Variants in IQSEC1 observed in about 807,000 individuals in gnomAD.
IQSEC1 encodes IQ motif and SEC7 domain-containing protein 1.
Under a neutral mutation model 91.0 loss-of-function variants are expected in IQSEC1, and 31 were observed. That is an observed-to-expected ratio of 0.34 (90% CI 0.26 to 0.46). The LOEUF (loss-of-function observed/expected upper bound fraction) is 0.46, where lower values mean the gene tolerates loss of function less well. Ranked by LOEUF, IQSEC1 falls within the 20% of genes least tolerant of loss-of-function variation. IQSEC1 has a pLI of 1.00. For missense variants in IQSEC1, 1,388 were observed against 1,575.6 expected, an observed-to-expected ratio of 0.88 and a Z score of 2.02; for synonymous variants, 699 against 662.6, an observed-to-expected ratio of 1.05 and a Z score of -0.84.
At chr3:13,030,049 C>T (rs12487419) in intron 1 of IQSEC1, among the ~76,000 whole-genome samples, 9,068 of 152,270 alleles carry the variant, frequency 0.06, 341 homozygotes, top group Middle Eastern at 0.15. Flanking sequence ...AGTAATCTTC[C>T]CATCTCAGCT....
At chr3:13,071,864 C>G (rs1345380583) in intron 1 of IQSEC1, among the ~76,000 whole-genome samples, 1 of 151,940 alleles carries the variant, frequency 6.6e-6, no homozygotes, top group African/African-American at 2.4e-5. Flanking sequence ...ACCGCCATCC[C>G]CCGAACCAGA....
intron 1 of IQSEC1, among the ~76,000 whole-genome samples, chr3:13,252,790 T>C (rs1695219183): frequency 6.6e-6 from 1 of 152,002 alleles, no homozygotes. Flanking sequence ...TGGAGTAGAG[T>C]GGCACAATCT....
chr3:13,252,967 C>T (rs371514436), intron 1 of IQSEC1, among the ~76,000 whole-genome samples: 28 of 152,148 alleles, frequency 1.8e-4, no homozygotes. Flanking sequence ...CTCCTGACCT[C>T]GTGATCCGCC....
intron 1 of IQSEC1, among the ~76,000 whole-genome samples, chr3:13,170,062 C>A (rs972984338): frequency 1.3e-5 from 2 of 152,354 alleles, no homozygotes; most frequent in Middle Eastern, 3.4e-3. Flanking sequence ...CCATCACAAG[C>A]CCAGAGGCCT....
At chr3:13,108,242 T>A (rs1706185891) in intron 2 of IQSEC1, among the ~76,000 whole-genome samples, 1 of 152,224 alleles carries the variant, frequency 6.6e-6, no homozygotes, top group Non-Finnish European at 1.5e-5. Context: ...AACAACGCCC[T>A]TATACCCACA....
At chr3:13,144,487 C>T (rs1201518948) in intron 2 of IQSEC1, among the ~76,000 whole-genome samples, 1 of 152,236 alleles carries the variant, frequency 6.6e-6, no homozygotes, top group Non-Finnish European at 1.5e-5. Context: ...CTTTCCCTCC[C>T]TCGGCATGGC....
chr3:12,945,160 G>A (rs887261209), intron 1 of IQSEC1, among the ~76,000 whole-genome samples: 3 of 152,182 alleles, frequency 2.0e-5, no homozygotes, highest in Non-Finnish European at 2.9e-5. Context: ...AGTGCCTGGC[G>A]CTGGTAGTTC....
chr3:12,973,146 C>G (rs1299258593), intron 1 of IQSEC1, among the ~76,000 whole-genome samples: 1 of 152,144 alleles, frequency 6.6e-6, no homozygotes, highest in African/African-American at 2.4e-5. Flanking sequence ...GCTTCTGGCC[C>G]GGGTTTCCTA....
At chr3:13,034,199 G>A (rs541061156) in intron 1 of IQSEC1, among the ~76,000 whole-genome samples, 6 of 152,296 alleles carry the variant, frequency 3.9e-5, no homozygotes, top group Admixed American at 1.3e-4. Context: ...AGGCCCAGGC[G>A]TCTCCCCCCA....
At chr3:13,014,525 C>A (rs1425575850) in intron 1 of IQSEC1, among the ~76,000 whole-genome samples, 2 of 152,152 alleles carry the variant, frequency 1.3e-5, no homozygotes, top group Non-Finnish European at 2.9e-5. Context: ...TATCACTGGG[C>A]CTCACTTTTT....
intron 2 of IQSEC1, among the ~76,000 whole-genome samples, chr3:13,125,838 T>C (rs750646232): frequency 5.9e-5 from 9 of 152,196 alleles, no homozygotes; most frequent in Non-Finnish European, 1.2e-4. Flanking sequence ...CTGAGGGCCA[T>C]GGGCTGCCCG....
chr3:13,094,594 T>C (rs903894461), intron 2 of IQSEC1, among the ~76,000 whole-genome samples: 4 of 152,206 alleles, frequency 2.6e-5, no homozygotes, highest in Non-Finnish European at 4.4e-5. Context: ...CACTAAGTAC[T>C]GTTCGTGGAT....
chr3:13,130,119 G>A (rs1288766041), intron 2 of IQSEC1, among the ~76,000 whole-genome samples: 2 of 151,248 alleles, frequency 1.3e-5, no homozygotes, highest in East Asian at 3.9e-4. Flanking sequence ...GCCGAGGCGG[G>A]AGGATTATGA....
At chr3:13,247,413 C>T (rs1695126235) in intron 1 of IQSEC1, among the ~76,000 whole-genome samples, 1 of 152,220 alleles carries the variant, frequency 6.6e-6, no homozygotes, top group South Asian at 2.1e-4. Flanking sequence ...CACTGCAGCA[C>T]CTGGATGAAT....
chr3:12,922,197 C>T lies in IQSEC1; in HGVS notation c.1776G>A (p.Glu592=), dbSNP rs572179477. 1.4e-4 allele frequency: 220 copies of T among 1,608,974 alleles called. No homozygotes were observed. In the South Asian group the frequency reaches 2.2e-3, roughly 16 times the overall value. The stretch of plus-strand genomic sequence containing the variant: ...TGTGCGCCTGGAATTTCCTGAGGGC[C>T]TCATCCAGCTCCATGGTAGAGAAGT... ...EMDFSTMELD[E]ALRKFQAHIR... is the part of the protein sequence containing the mutation. The change falls in exon 5 of 14, where the codon GAG becomes GAA. Residue 592 remains glutamate (E), a synonymous_variant. Transcript: ENST00000613206. This position sits in a 1 kb window ranked among gnomAD's most constrained non-coding sequence, Gnocchi z 5.1.
chr3:13,124,668 G>A (rs1375502157), intron 2 of IQSEC1, among the ~76,000 whole-genome samples: 1 of 152,190 alleles, frequency 6.6e-6, no homozygotes, highest in African/African-American at 2.4e-5. Flanking sequence ...TCAAGAAAGG[G>A]CACTGGCGGG....
rs115571990 is a variant in IQSEC1, at chr3:13,184,493, T to C, written c.273-20360A>G. Among the ~76,000 whole-genome samples, 1,509 of 152,304 alleles carry C rather than the reference T, an allele frequency of 9.9e-3. 19 individuals are homozygous for C. The highest frequency in any genetic ancestry group is 0.034 in the African/African-American group (1,424 of 41,542). ...AAAGGGATCTGCACAGACTTCCAGCTACCTTTATGGAGAAAGAATGGGTGT... is the reference window on the plus strand; with the variant it reads ...AAAGGGATCTGCACAGACTTCCAGCCACCTTTATGGAGAAAGAATGGGTGT... On this transcript the variant is annotated intron_variant, in intron 1 of 15. Transcript: ENST00000648114.
At chr3:12,969,316 C>G (rs1299475206) in intron 1 of IQSEC1, among the ~76,000 whole-genome samples, 1 of 152,090 alleles carries the variant, frequency 6.6e-6, no homozygotes, top group South Asian at 2.1e-4. Flanking sequence ...GGCCAATAAG[C>G]CCATGAAAAG....
intron 1 of IQSEC1, among the ~76,000 whole-genome samples, chr3:13,177,531 G>C (rs143684931): frequency 7.9e-5 from 12 of 151,106 alleles, no homozygotes; most frequent in Middle Eastern, 3.4e-3. Context: ...CCAGCCAGCA[G>C]GGCCACAGCA....
Sources: allele counts gnomAD v4.1 joint callset (sites outside exome capture counted in the v4.1 genomes callset), GRCh38; gene constraint gnomAD v4.1.1; non-coding constraint Gnocchi (gnomAD v3.1); transcripts MANE v1.5; gene names NCBI Gene and HGNC (gene_info 2026-07-23, HGNC 2026-07-21).